The following THADA variants were observed in gnomAD, a reference collection of about 807,000 sequenced individuals.
The protein encoded by THADA is THADA armadillo repeat containing, also known as tRNA (32-2'-O)-methyltransferase regulator THADA.
In THADA, 213 loss-of-function variants were observed where a neutral mutation model predicts 219.8. The ratio of observed to expected loss-of-function variants is 0.97; its 90% CI spans 0.87 to 1.09. The LOEUF is 1.09. Among genes scored for constraint, THADA ranks in the 50% least tolerant of loss-of-function variants. The probability of loss-of-function intolerance (pLI) is 0.00; values close to 1 mark genes in which losing one functional copy is unlikely to be tolerated. For synonymous variants in THADA, 1,018 were observed against 828.9 expected, an observed-to-expected ratio of 1.23 and a Z score of -3.92; for missense variants, 2,956 against 2,311.3, an observed-to-expected ratio of 1.28 and a Z score of -5.72.
chr2:43,371,133 T>C (rs1397524957), intron 29 of THADA, among the ~76,000 whole-genome samples: 1 of 152,226 alleles, frequency 6.6e-6, no homozygotes, highest in African/African-American at 2.4e-5. Flanking sequence ...TGAAGGTAGA[T>C]TTTTATATTT....
rs190504471 is a variant in THADA, at chr2:43,307,978, A to G, written c.4438+12468T>C. ...AAGACTGAACATGATAAAGGGAGATATAGAAGATATAAAAAGGACACAAAT... is the reference window on the plus strand; with the variant it reads ...AAGACTGAACATGATAAAGGGAGATGTAGAAGATATAAAAAGGACACAAAT... On this transcript the variant is annotated intron_variant, in intron 31 of 37. Coordinates refer to ENST00000405975, the MANE Select transcript of THADA (RefSeq NM_022065.5). 2.0e-3 allele frequency among the ~76,000 whole-genome samples: 298 copies of G among 152,354 alleles called. 11 individuals are homozygous for G. In the East Asian group the frequency reaches 0.048, roughly 24 times the overall value.
chr2:43,432,128 TTACAGGCGTGAGCCACCGCGCCCGGCC>T lies in THADA; in HGVS notation c.3837-1853_3837-1827del, dbSNP rs1558751675. ...GCCTCGGCCTCCCAAAGTGCTGGGA[TTACAGGCGTGAGCCACCGCGCCCGGCC>T]AATTTTTTGTACTTTTATTGGAGAC... On this transcript the variant is annotated intron_variant, in intron 26 of 37. Transcript: ENST00000405975. 8.5e-5 allele frequency among the ~76,000 whole-genome samples: 10 copies of T among 118,122 alleles called. 1 individual carries two copies. Among genetic ancestry groups the T allele is most frequent in the African/African-American group, 4.2e-4 (10 of 23,796 alleles). The allele number at this position is 118,122 out of a possible 152,430, so 77.5% of individuals were successfully genotyped here. A position where few individuals can be genotyped will look rare whatever the true frequency, so the allele number is the denominator to read the frequency against.
At chr2:43,574,146 C>T (rs1699587470) in intron 11 of THADA, among the ~76,000 whole-genome samples, 190 bp downstream of exon 11, 1 of 152,142 alleles carries the variant, frequency 6.6e-6, no homozygotes, top group South Asian at 2.1e-4. Flanking sequence ...GTAGAAATGA[C>T]TTCAGCCAAA....
Position 43,320,533 on chromosome 2 carries a change from G to T in THADA, c.4351C>A (p.Pro1451Thr). 6.2e-7 allele frequency: 1 copy of T among 1,611,512 alleles called. No individual in the cohort carries two copies. Among genetic ancestry groups the T allele is most frequent in the Non-Finnish European group, 8.5e-7 (1 of 1,178,874 alleles). The change falls in exon 31 of 38, where the codon CCA becomes ACA. Residue 1451 changes from proline to threonine, a missense_variant. Pro to Thr is a conservative substitution (Grantham distance 38, BLOSUM62 -1). Coordinates refer to ENST00000405975, the MANE Select transcript of THADA (RefSeq NM_022065.5). ...TATACAGCTCTGGTCACCAAACATG[G>T]ATTTTGCCTAGAAAGGTAAAGAACA... ...AKLWLAKRQN[P>T]CLVTRAVYID...
chr2:43,431,417 G>C (rs1679265057), intron 26 of THADA, among the ~76,000 whole-genome samples: 4 of 152,052 alleles, frequency 2.6e-5, no homozygotes, highest in Admixed American at 2.0e-4. Context: ...TATCATTACA[G>C]TTTGGTTTTG....
intron 24 of THADA, among the ~76,000 whole-genome samples, chr2:43,504,701 T>C (rs559411103): frequency 5.5e-4 from 83 of 152,164 alleles, no homozygotes; most frequent in Non-Finnish European, 8.4e-4. Flanking sequence ...CAACAGGTGA[T>C]TGGGCCTGGT....
chr2:43,275,931 T>C (rs1572876502), intron 36 of THADA, among the ~76,000 whole-genome samples: 1 of 152,222 alleles, frequency 6.6e-6, no homozygotes, highest in East Asian at 1.9e-4. Context: ...AAATCTGACA[T>C]TAAATGCCCG....
At chr2:43,276,418 G>A (rs551847660) in intron 36 of THADA, among the ~76,000 whole-genome samples, 1 of 152,250 alleles carries the variant, frequency 6.6e-6, no homozygotes, top group South Asian at 2.1e-4. Flanking sequence ...TTCTCAGGAG[G>A]GCCGGCTAAC....
At chr2:43,551,666 A>T (rs1224816773) in intron 19 of THADA, 123 bp downstream of exon 19, 8 of 829,368 alleles carry the variant, frequency 9.6e-6, no homozygotes, top group East Asian at 9.1e-5. Flanking sequence ...AAATAATAAT[A>T]ATTATTTTCT....
At chr2:43,536,634 T>C (rs929481550) in intron 21 of THADA, among the ~76,000 whole-genome samples, 7 of 152,266 alleles carry the variant, frequency 4.6e-5, no homozygotes, top group African/African-American at 1.4e-4. Flanking sequence ...AGAAGCTACA[T>C]GCCATGTTTC....
intron 16 of THADA, among the ~76,000 whole-genome samples, chr2:43,559,779 T>C (rs1011223420): frequency 1.3e-5 from 2 of 152,234 alleles, no homozygotes; most frequent in South Asian, 2.1e-4. Flanking sequence ...AGTTTAGCTA[T>C]TGCTGGTTCA....
chr2:43,236,339 C>T (rs1668030937), intron 36 of THADA, among the ~76,000 whole-genome samples: 1 of 152,184 alleles, frequency 6.6e-6, no homozygotes, highest in Non-Finnish European at 1.5e-5. Flanking sequence ...GCTTGAGGGA[C>T]CAGCTGCAAC....
chr2:43,526,869 C>T (rs1693230281), intron 22 of THADA, among the ~76,000 whole-genome samples: 1 of 152,128 alleles, frequency 6.6e-6, no homozygotes, highest in Admixed American at 6.6e-5. Flanking sequence ...GGTATTCATA[C>T]ATTCTTGTTA....
chr2:43,514,044 A>C (rs1225159745), intron 22 of THADA, among the ~76,000 whole-genome samples: 1 of 151,636 alleles, frequency 6.6e-6, no homozygotes, highest in Non-Finnish European at 1.5e-5. Flanking sequence ...TGGATGACAC[A>C]GTGAGACACT....
At chr2:43,570,239 A>C (rs962558361) in intron 14 of THADA, 149 bp downstream of exon 14, 4 of 742,226 alleles carry the variant, frequency 5.4e-6, no homozygotes, top group Non-Finnish European at 8.3e-6. Flanking sequence ...AGAGTACCAA[A>C]GCACCAGAAA....
At chr2:43,481,870 A>C (rs1686274225) in intron 26 of THADA, among the ~76,000 whole-genome samples, 1 of 152,218 alleles carries the variant, frequency 6.6e-6, no homozygotes, top group South Asian at 2.1e-4. Context: ...AGAAGTCAAA[A>C]ATAAACCTTT....
chr2:43,313,683 A>G (rs1205406186), intron 31 of THADA, among the ~76,000 whole-genome samples: 1 of 152,226 alleles, frequency 6.6e-6, no homozygotes, highest in Non-Finnish European at 1.5e-5. Flanking sequence ...CAAGCAAGAA[A>G]GGCCCCATAA....
At chr2:43,472,287 AT>A (rs1196228772) in intron 26 of THADA, among the ~76,000 whole-genome samples, 2 of 152,220 alleles carry the variant, frequency 1.3e-5, no homozygotes, top group Non-Finnish European at 2.9e-5. Context: ...CCCACAACTT[AT>A]AGTCATATGG....
chr2:43,318,197 A>T (rs1678292983), intron 31 of THADA, among the ~76,000 whole-genome samples: 1 of 151,884 alleles, frequency 6.6e-6, no homozygotes, highest in Non-Finnish European at 1.5e-5. Flanking sequence ...GTGCTACCAC[A>T]TGTGGCTAAT....
Sources: allele counts gnomAD v4.1 joint callset (sites outside exome capture counted in the v4.1 genomes callset), GRCh38; gene constraint gnomAD v4.1.1; transcripts MANE v1.5; gene names NCBI Gene and HGNC (gene_info 2026-07-23, HGNC 2026-07-21).